MACROD2: variants seen among roughly 807,000 people sequenced by gnomAD.
MACROD2 encodes mono-ADP ribosylhydrolase 2.
A neutral mutation model predicts 70.4 loss-of-function variants in MACROD2; 36 were observed. That is an observed-to-expected ratio of 0.51 (90% CI 0.39 to 0.68). The LOEUF (loss-of-function observed/expected upper bound fraction) is 0.68. MACROD2 is among the 30% of genes least tolerant of loss of function. The probability of loss-of-function intolerance (pLI) is 0.00; values close to 1 mark genes in which losing one functional copy is unlikely to be tolerated. For missense variants in MACROD2, 496 were observed against 538.4 expected, an observed-to-expected ratio of 0.92 and a Z score of 0.78; for synonymous variants, 172 against 178.8, an observed-to-expected ratio of 0.96 and a Z score of 0.30.
intron 8 of MACROD2, among the ~76,000 whole-genome samples, chr20:15,611,560 T>G (rs572099756): frequency 1.3e-4 from 20 of 152,080 alleles, no homozygotes; most frequent in African/African-American, 4.8e-4. Context: ...CCTATAGTTA[T>G]TTTAGTAGAG....
intron 5 of MACROD2, among the ~76,000 whole-genome samples, chr20:15,015,841 G>C (rs76235189): frequency 0.11 from 16,000 of 152,226 alleles, 1,121 homozygotes; most frequent in Non-Finnish European, 0.15. Flanking sequence ...CAGCAAGATG[G>C]TTATTTGAGC....
At chr20:15,130,346 A>T (rs746581936) in intron 5 of MACROD2, among the ~76,000 whole-genome samples, 1 of 151,994 alleles carries the variant, frequency 6.6e-6, no homozygotes, top group Non-Finnish European at 1.5e-5. Flanking sequence ...AAGGAAGCAG[A>T]TCTAAGCCCC....
chr20:15,558,620 T>C (rs538169751), intron 8 of MACROD2, among the ~76,000 whole-genome samples: 23 of 152,236 alleles, frequency 1.5e-4, no homozygotes, highest in Non-Finnish European at 2.1e-4. Context: ...TTATTATTTT[T>C]CCCCCTTTCC....
At chr20:14,526,874 C>G (rs974073676) in intron 4 of MACROD2, among the ~76,000 whole-genome samples, 1 of 152,190 alleles carries the variant, frequency 6.6e-6, no homozygotes, top group African/African-American at 2.4e-5. Flanking sequence ...TTTAGTTTAG[C>G]CATTTGTAGG....
At chr20:14,568,655 G>C (rs1202058643) in intron 4 of MACROD2, among the ~76,000 whole-genome samples, 1 of 152,042 alleles carries the variant, frequency 6.6e-6, no homozygotes, top group Non-Finnish European at 1.5e-5. Flanking sequence ...ATATGGGTTT[G>C]TGTTATGTAA....
chr20:14,792,346 C>T (rs1328023466), intron 5 of MACROD2, among the ~76,000 whole-genome samples: 1 of 152,054 alleles, frequency 6.6e-6, no homozygotes, highest in African/African-American at 2.4e-5. Context: ...ATTTCTCTCT[C>T]CTACTTGACC....
chr20:14,255,373 T>C lies in MACROD2; in HGVS notation c.271+169645T>C, dbSNP rs564783989. Among the ~76,000 whole-genome samples the C allele has an allele frequency of 3.4e-3, 521 of 152,226 alleles. 4 individuals carry two copies. The highest frequency in any genetic ancestry group is 0.011 in the African/African-American group (476 of 41,542). On this transcript the variant is annotated intron_variant, in intron 3 of 17. Transcript: ENST00000684519. Reference sequence around the variant, plus strand: ...GCAGCCATAAAAAAGGATGAGTTCATGTCCTTTGTAGGGACATGGATGAAG... The same window carrying C: ...GCAGCCATAAAAAAGGATGAGTTCACGTCCTTTGTAGGGACATGGATGAAG...
intron 5 of MACROD2, among the ~76,000 whole-genome samples, chr20:15,094,920 G>A (rs2075817532): frequency 6.6e-6 from 1 of 151,978 alleles, no homozygotes; most frequent in Non-Finnish European, 1.5e-5. Flanking sequence ...GAGAGATCTG[G>A]GTCAAGTTTT....
chr20:15,465,593 A>G (rs956406086), intron 7 of MACROD2, among the ~76,000 whole-genome samples: 1 of 152,262 alleles, frequency 6.6e-6, no homozygotes, highest in African/African-American at 2.4e-5. Flanking sequence ...GCTCAGGGCT[A>G]TCCATAGTCC....
chr20:15,786,038 A>G (rs989881817), intron 8 of MACROD2, among the ~76,000 whole-genome samples: 4 of 152,160 alleles, frequency 2.6e-5, no homozygotes, highest in Admixed American at 2.0e-4. Context: ...AAGGGTTCAA[A>G]TAAAAAGTAA....
At chr20:15,488,974 T>A (rs2047195130) in intron 7 of MACROD2, among the ~76,000 whole-genome samples, 1 of 152,128 alleles carries the variant, frequency 6.6e-6, no homozygotes, top group Non-Finnish European at 1.5e-5. Context: ...AAAAATACCC[T>A]CCGAAATAGA....
chr20:15,538,086 G>C (rs1034024478), intron 8 of MACROD2, among the ~76,000 whole-genome samples: 1 of 152,110 alleles, frequency 6.6e-6, no homozygotes, highest in Non-Finnish European at 1.5e-5. Context: ...GGTCAAATTG[G>C]GGAGTGGAAC....
chr20:15,555,525 C>T (rs1224814705), intron 8 of MACROD2, among the ~76,000 whole-genome samples: 1 of 152,058 alleles, frequency 6.6e-6, no homozygotes, highest in African/African-American at 2.4e-5. Flanking sequence ...CTGCCCTCTG[C>T]TAGTGCAAAA....
At position 15,233,983 on chromosome 20, in the gene MACROD2, T is replaced by TTATATA. The variant is rs1312226727; in HGVS notation, c.540+3944_540+3949dup. 2.4e-3 allele frequency among the ~76,000 whole-genome samples: 107 copies of TTATATA among 43,990 alleles called. 2 individuals carry two copies. Among genetic ancestry groups the TTATATA allele is most frequent in the East Asian group, 0.02 (27 of 1,336 alleles). 28.9% of individuals were successfully genotyped at this position (43,990 alleles called of 152,430 possible). On this transcript the variant is annotated intron_variant, in intron 6 of 17. Transcript: ENST00000684519. Reference sequence around the variant, plus strand: ...AAAATTTATTTTTATATATATTTATTTATATATATATATATATATATATAT... The same window carrying TTATATA: ...AAAATTTATTTTTATATATATTTATTTATATATATATATATATATATATATATATAT...
chr20:14,022,010 A>G (rs2053089524), intron 2 of MACROD2, among the ~76,000 whole-genome samples: 1 of 152,230 alleles, frequency 6.6e-6, no homozygotes, highest in African/African-American at 2.4e-5. Context: ...GTCTTGGGCT[A>G]GATCTCAGTC....
chr20:15,768,872 C>T lies in MACROD2; in HGVS notation c.646-93873C>T, dbSNP rs141546330. ...TTAAAAACTAAAACAAAAATACACACGTTACCCTGGGCCTACACAGGGTCA... is the reference window on the plus strand; with the variant it reads ...TTAAAAACTAAAACAAAAATACACATGTTACCCTGGGCCTACACAGGGTCA... On this transcript the variant is annotated intron_variant, in intron 8 of 17. Coordinates refer to ENST00000684519, the MANE Select transcript of MACROD2 (RefSeq NM_001351661.2). Among the ~76,000 whole-genome samples, 1,225 of 152,224 alleles carry T rather than the reference C, an allele frequency of 8.0e-3. 15 individuals are homozygous for T. The highest frequency in any genetic ancestry group is 0.027 in the African/African-American group (1,121 of 41,526).
At chr20:14,228,170 T>TAGAG (rs1199426702) in intron 3 of MACROD2, among the ~76,000 whole-genome samples, 2 of 9,428 alleles carry the variant, frequency 2.1e-4, no homozygotes, top group African/African-American at 4.3e-4. Flanking sequence ...TATGTATATA[T>TAGAG]ATAGAGAGAG....
intron 8 of MACROD2, among the ~76,000 whole-genome samples, chr20:15,569,463 C>G (rs1339604295): frequency 6.6e-6 from 1 of 152,088 alleles, no homozygotes; most frequent in Non-Finnish European, 1.5e-5. Context: ...ACTATAGTCA[C>G]CATGTTGTAC....
intron 8 of MACROD2, among the ~76,000 whole-genome samples, chr20:15,844,242 C>G (rs960058085): frequency 6.6e-6 from 1 of 151,940 alleles, no homozygotes; most frequent in African/African-American, 2.4e-5. Flanking sequence ...GCAGGTCTGC[C>G]AAGAGTTATG....
Sources: gnomAD v4.1 joint callset for allele counts (sites outside exome capture counted in the v4.1 genomes callset) on GRCh38, gnomAD v4.1.1 for gene constraint, MANE v1.5 for transcripts, NCBI Gene and HGNC (gene_info 2026-07-23, HGNC 2026-07-21) for gene names.